HOXD4: variants seen among roughly 807,000 people sequenced by gnomAD.
HOXD4 encodes homeobox protein Hox-D4.
HOXD4 carries 15 observed loss-of-function variants against 22.6 expected under a neutral mutation model. The ratio of observed to expected loss-of-function variants is 0.67; its 90% confidence interval spans 0.45 to 1.02. The LOEUF (loss-of-function observed/expected upper bound fraction) is 1.02, where lower values mean the gene tolerates loss of function less well. Ranked by LOEUF, HOXD4 falls within the 50% of genes least tolerant of loss-of-function variation. The pLI is 0.00. For synonymous variants in HOXD4, 176 were observed against 157.0 expected, an observed-to-expected ratio of 1.12 and a Z score of -0.90; for missense variants, 350 against 346.6, an observed-to-expected ratio of 1.01 and a Z score of -0.08.
In HOXD4 at chr2:176,152,714, A is replaced by G. The variant is rs1411848294; in HGVS notation, c.540A>G (p.Thr180=). ...EKEFHFNRYL[T]RRRRIEIAHT... ...AATTTCATTTTAACAGGTATCTGAC[A>G]AGGCGCCGTCGGATTGAAATCGCTC... Residue 180 remains threonine (T), a synonymous_variant, in exon 2 of 2, where the codon ACA becomes ACG. Transcript: ENST00000306324. This position sits in a 1 kb window ranked among gnomAD's most constrained non-coding sequence, Gnocchi z 5.2. 6.2e-7 allele frequency: 1 copy of G among 1,614,092 alleles called. No individual in the cohort carries two copies. Among genetic ancestry groups the G allele is most frequent in the Non-Finnish European group, 8.5e-7 (1 of 1,180,026 alleles).
rs894183578 is a variant in HOXD4 at position 176,153,218 on chromosome 2, T to A, written c.*276T>A. ...AAATCTTGGCGAGTCATTAAACTTA[T>A]GAAAATCACCGCTCTTGGATTTTGA... On this transcript the variant is annotated 3_prime_UTR_variant, in exon 2 of 2. Transcript: ENST00000306324. 2 of 477,176 alleles carry A rather than the reference T, an allele frequency of 4.2e-6. No homozygotes were observed. Among genetic ancestry groups the A allele is most frequent in the South Asian group, 5.6e-5 (2 of 35,864 alleles). The allele number at this position is 477,176 out of a possible 1,614,324, so 29.6% of individuals were successfully genotyped here. A position where few individuals can be genotyped will look rare whatever the true frequency, so the allele number is the denominator to read the frequency against.
Position 176,152,457 on chromosome 2 carries a change from G to A in HOXD4, c.434-151G>A. The A allele has an allele frequency of 2.8e-6, 2 of 716,908 alleles. No individual in the cohort carries two copies. Among genetic ancestry groups the A allele is most frequent in the Non-Finnish European group, 5.0e-6 (2 of 400,338 alleles). 44.4% of individuals were successfully genotyped at this position (716,908 alleles called of 1,614,324 possible). ...GGGTGGGAGTGAGCGTGTGCGCCGGGGAGAGGGCGGGAGGGAGGAAGCAAG... is the reference window on the plus strand; with the variant it reads ...GGGTGGGAGTGAGCGTGTGCGCCGGAGAGAGGGCGGGAGGGAGGAAGCAAG... On this transcript the variant is annotated intron_variant, in intron 1 of 1. Transcript: ENST00000306324. This position sits in a 1 kb window ranked among gnomAD's most constrained non-coding sequence, Gnocchi z 5.2.
At position 176,151,550 on chromosome 2, in the gene HOXD4, A is replaced by C; in HGVS notation, c.-84A>C. The stretch of plus-strand genomic sequence containing the variant: ...GTCACATGGCTGCCCAACTTTATTC[A>C]GTTGACAGCAAGTAGGAGGGCCCTA... On this transcript the variant is annotated 5_prime_UTR_variant, in exon 1 of 2. Transcript: ENST00000306324. The C allele has an allele frequency of 8.1e-7, 1 of 1,241,144 alleles. No homozygotes were observed. Among genetic ancestry groups the C allele is most frequent in the South Asian group, 1.2e-5 (1 of 81,312 alleles). 76.9% of individuals were successfully genotyped at this position (1,241,144 alleles called of 1,614,324 possible).
Position 176,151,750 on chromosome 2 carries a change from C to A in HOXD4, c.117C>A (p.Gly39=). ...AGCAGGGCGCCGACTACTACGGCGG[C>A]GGCGCGCAGGGCGCAGACTTCCAGC... ...LGEQGADYYG[G]GAQGADFQPP... is the part of the protein sequence containing the mutation. The change falls in exon 1 of 2, where the codon GGC becomes GGA. Residue 39 remains glycine (G), a synonymous_variant. Coordinates refer to ENST00000306324, the MANE Select transcript of HOXD4 (RefSeq NM_014621.3). 6.2e-7 allele frequency: 1 copy of A among 1,612,992 alleles called. No homozygotes were observed. Among genetic ancestry groups the A allele is most frequent in the Non-Finnish European group, 8.5e-7 (1 of 1,179,902 alleles).
Position 176,152,179 on chromosome 2 carries a change from T to G in HOXD4, c.433+113T>G, listed in dbSNP as rs1690545906. On this transcript the variant is annotated intron_variant, in intron 1 of 1. Transcript: ENST00000306324. This position sits in a 1 kb window ranked among gnomAD's most constrained non-coding sequence, Gnocchi z 5.2. ...TGTGGAGCTTCCATGGGCGCCGCAA[T>G]TACTCTCCCCATAAATTTTTATAGC... is the stretch of plus-strand genomic sequence containing the variant. 1.2e-6 allele frequency: 1 copy of G among 862,830 alleles called. No homozygotes were observed. The highest frequency in any genetic ancestry group is 2.0e-5 in the Admixed American group (1 of 49,482). The allele number at this position is 862,830 out of a possible 1,614,324, so 53.4% of individuals were successfully genotyped here. A position where few individuals can be genotyped will look rare whatever the true frequency, so the allele number is the denominator to read the frequency against.
At position 176,152,240 on chromosome 2, in the gene HOXD4, C is replaced by A. The variant is rs1447417612; in HGVS notation, c.433+174C>A. 1.1e-5 allele frequency among the ~76,000 whole-genome samples: 1 copy of A among 88,608 alleles called. No homozygotes were observed. Among genetic ancestry groups the A allele is most frequent in the Non-Finnish European group, 2.1e-5 (1 of 47,632 alleles). 58.1% of individuals were successfully genotyped at this position (88,608 alleles called of 152,430 possible). On this transcript the variant is annotated intron_variant, in intron 1 of 1. Transcript: ENST00000306324. This position sits in a 1 kb window ranked among gnomAD's most constrained non-coding sequence, Gnocchi z 5.2. ...GGTCAGGACCATGTGGCTGGCTGCT[C>A]GGCTGTGGGCGCAAAAGGGGGTGGG...
rs760420142 is a variant in HOXD4, at chr2:176,152,018, C to A, written c.385C>A (p.Gln129Lys). ...KQPPSGTALK[Q>K]PAVVYPWMKK... ...GCCGCCCTCCGGGACGGCACTCAAGCAGCCGGCCGTGGTCTACCCCTGGAT... is the reference window on the plus strand; with the variant it reads ...GCCGCCCTCCGGGACGGCACTCAAGAAGCCGGCCGTGGTCTACCCCTGGAT... Residue 129 changes from glutamine (Q) to lysine (K), a missense_variant, in exon 1 of 2, where the codon CAG (glutamine) becomes AAG (lysine). Physicochemically the swap from Gln to Lys is moderately conservative, Grantham distance 53. Coordinates refer to ENST00000306324, the MANE Select transcript of HOXD4 (RefSeq NM_014621.3). The surrounding 1 kb of genome is among the most constrained non-coding windows in gnomAD (Gnocchi z 5.2). 6.2e-7 allele frequency: 1 copy of A among 1,613,590 alleles called. No individual in the cohort carries two copies. Among genetic ancestry groups the A allele is most frequent in the South Asian group, 1.1e-5 (1 of 91,074 alleles).
At position 176,151,892 on chromosome 2, in the gene HOXD4, G is replaced by C. The variant is rs754858130; in HGVS notation, c.259G>C (p.Gly87Arg). Residue 87 changes from glycine (G) to arginine (R), a missense_variant, in exon 1 of 2, where the codon GGT becomes CGT. Coordinates refer to ENST00000306324, the MANE Select transcript of HOXD4 (RefSeq NM_014621.3). ...CGGACAAGAGCCAGGCGGCCCCGGC[G>C]GTCACTACGCCGCTCCAGGAGAGCC... ...GHGQEPGGPG[G>R]HYAAPGEPCP... The C allele has an allele frequency of 1.8e-5, 29 of 1,587,728 alleles. No individual in the cohort carries two copies. The highest frequency in any genetic ancestry group is 2.4e-5 in the Non-Finnish European group (28 of 1,166,764).
Position 176,153,129 on chromosome 2 carries a change from GA to G in HOXD4, c.*188del. ...AGCCCCCTCCCTAGAGCGGGATGGG[GA>G]TGGGAGGGGGGGCGGGATTCTCTCT... On this transcript the variant is annotated 3_prime_UTR_variant, in exon 2 of 2. Coordinates refer to ENST00000306324, the MANE Select transcript of HOXD4 (RefSeq NM_014621.3). The G allele has an allele frequency of 2.9e-6, 1 of 350,776 alleles. No homozygotes were observed. The highest frequency in any genetic ancestry group is 5.6e-6 in the Non-Finnish European group (1 of 178,130). 21.7% of individuals were successfully genotyped at this position (350,776 alleles called of 1,614,324 possible).
rs1223099852 is a variant in HOXD4 at position 176,152,555 on chromosome 2, C to T, written c.434-53C>T. The T allele has an allele frequency of 1.4e-6, 2 of 1,455,980 alleles. No individual in the cohort carries two copies. The highest frequency in any genetic ancestry group is 1.7e-5 in the Admixed American group (1 of 59,630). The allele number at this position is 1,455,980 out of a possible 1,614,324, so 90.2% of individuals were successfully genotyped here. A position where few individuals can be genotyped will look rare whatever the true frequency, so the allele number is the denominator to read the frequency against. On this transcript the variant is annotated intron_variant, in intron 1 of 1. Coordinates refer to ENST00000306324, the MANE Select transcript of HOXD4 (RefSeq NM_014621.3). This position sits in a 1 kb window ranked among gnomAD's most constrained non-coding sequence, Gnocchi z 5.2. ...GGAAGTGAGCGGCGGAGGCGAGGGG[C>T]CTAACTAGTGGCCGGGCGCTGACCT...
rs540913179 is a variant in HOXD4, at chr2:176,153,137, G to C, written c.*195G>C. ...CCCTAGAGCGGGATGGGGATGGGAG[G>C]GGGGGCGGGATTCTCTCTCTAAGTA... On this transcript the variant is annotated 3_prime_UTR_variant, in exon 2 of 2. Coordinates refer to ENST00000306324, the MANE Select transcript of HOXD4 (RefSeq NM_014621.3). 399 of 516,836 alleles carry C rather than the reference G, an allele frequency of 7.7e-4. 13 individuals carry two copies. The highest frequency in any genetic ancestry group is 6.8e-3 in the African/African-American group (350 of 51,452). 32.0% of individuals were successfully genotyped at this position (516,836 alleles called of 1,614,324 possible).
Position 176,153,105 on chromosome 2 carries a change from G to C in HOXD4, c.*163G>C. On this transcript the variant is annotated 3_prime_UTR_variant, in exon 2 of 2. Transcript: ENST00000306324. ...TAGGTTAGCATCCTGCCCGAGGGCA[G>C]CCCCCTCCCTAGAGCGGGATGGGGA... The C allele has an allele frequency of 2.6e-6, 1 of 389,350 alleles. No individual in the cohort carries two copies. The highest frequency in any genetic ancestry group is 5.0e-6 in the Non-Finnish European group (1 of 200,456). 24.1% of individuals were successfully genotyped at this position (389,350 alleles called of 1,614,324 possible).
Position 176,152,568 on chromosome 2 carries a change from C to G in HOXD4, c.434-40C>G. 1 of 1,552,590 alleles carries G rather than the reference C, an allele frequency of 6.4e-7. No homozygotes were observed. Among genetic ancestry groups the G allele is most frequent in the Non-Finnish European group, 8.9e-7 (1 of 1,125,892 alleles). ...GGAGGCGAGGGGCCTAACTAGTGGC[C>G]GGGCGCTGACCTGCCTGTCCTGTCT... On this transcript the variant is annotated intron_variant, in intron 1 of 1. Coordinates refer to ENST00000306324, the MANE Select transcript of HOXD4 (RefSeq NM_014621.3). The surrounding 1 kb of genome is among the most constrained non-coding windows in gnomAD (Gnocchi z 5.2).
At position 176,153,189 on chromosome 2, in the gene HOXD4, C is replaced by A; in HGVS notation, c.*247C>A. On this transcript the variant is annotated 3_prime_UTR_variant, in exon 2 of 2. Transcript: ENST00000306324. The stretch of plus-strand genomic sequence containing the variant: ...ATTATATGGCAGGAGCTACTGAGAA[C>A]ATAAAATCTTGGCGAGTCATTAAAC... 1 of 540,280 alleles carries A rather than the reference C, an allele frequency of 1.9e-6. No individual in the cohort carries two copies. Among genetic ancestry groups the A allele is most frequent in the Non-Finnish European group, 3.3e-6 (1 of 303,400 alleles). 33.5% of individuals were successfully genotyped at this position (540,280 alleles called of 1,614,324 possible).
Position 176,153,055 on chromosome 2 carries a change from T to A in HOXD4, c.*113T>A. The A allele has an allele frequency of 1.1e-6, 1 of 903,504 alleles. No individual in the cohort carries two copies. Among genetic ancestry groups the A allele is most frequent in the Non-Finnish European group, 1.7e-6 (1 of 602,150 alleles). The allele number at this position is 903,504 out of a possible 1,614,324, so 56.0% of individuals were successfully genotyped here. A position where few individuals can be genotyped will look rare whatever the true frequency, so the allele number is the denominator to read the frequency against. On this transcript the variant is annotated 3_prime_UTR_variant, in exon 2 of 2. Coordinates refer to ENST00000306324, the MANE Select transcript of HOXD4 (RefSeq NM_014621.3). Reference sequence around the variant, plus strand: ...GCTCTAAGGTACTGTGGGGTGGACCTGGGACAAGCAGGCCGCCCTCGGACT... The same window carrying A: ...GCTCTAAGGTACTGTGGGGTGGACCAGGGACAAGCAGGCCGCCCTCGGACT...
Position 176,153,064 on chromosome 2 carries a change from C to A in HOXD4, c.*122C>A, listed in dbSNP as rs543936269. ...TACTGTGGGGTGGACCTGGGACAAG[C>A]AGGCCGCCCTCGGACTAGGTTAGCA... On this transcript the variant is annotated 3_prime_UTR_variant, in exon 2 of 2. Coordinates refer to ENST00000306324, the MANE Select transcript of HOXD4 (RefSeq NM_014621.3). 53 of 939,820 alleles carry A rather than the reference C, an allele frequency of 5.6e-5. No individual in the cohort carries two copies. The highest frequency in any genetic ancestry group is 8.0e-5 in the Non-Finnish European group (48 of 601,060). 58.2% of individuals were successfully genotyped at this position (939,820 alleles called of 1,614,324 possible).
In HOXD4 at chr2:176,151,950, C is replaced by T. The variant is rs1311430228; in HGVS notation, c.317C>T (p.Pro106Leu). The change falls in exon 1 of 2, where the codon CCC becomes CTC. Residue 106 changes from proline to leucine, a missense_variant. By Grantham distance (98) the Pro-to-Leu change is moderately conservative (BLOSUM62 -3). Coordinates refer to ENST00000306324, the MANE Select transcript of HOXD4 (RefSeq NM_014621.3). ...CPAPPAPPPA[P>L]LPGARAYSQS... ...GCTCCCCCGGCGCCTCCGCCGGCGC[C>T]CCTGCCTGGCGCCCGGGCCTACAGT... The T allele has an allele frequency of 1.2e-6, 2 of 1,610,672 alleles. No individual in the cohort carries two copies. The highest frequency in any genetic ancestry group is 1.7e-5 in the Admixed American group (1 of 59,788).
At position 176,151,740 on chromosome 2, in the gene HOXD4, A is replaced by G; in HGVS notation, c.107A>G (p.Tyr36Cys). 1.2e-6 allele frequency: 2 copies of G among 1,613,068 alleles called. No individual in the cohort carries two copies. Among genetic ancestry groups the G allele is most frequent in the African/African-American group, 1.3e-5 (1 of 75,054 alleles). ...GGYLGEQGAD[Y>C]YGGGAQGADF... Reference sequence around the variant, plus strand: ...TACCTAGGCGAGCAGGGCGCCGACTACTACGGCGGCGGCGCGCAGGGCGCA... The same window carrying G: ...TACCTAGGCGAGCAGGGCGCCGACTGCTACGGCGGCGGCGCGCAGGGCGCA... Residue 36 changes from tyrosine to cysteine, a missense_variant, in exon 1 of 2, where the codon TAC (tyrosine) becomes TGC (cysteine). By Grantham distance (194) the Tyr-to-Cys change is radical. Coordinates refer to ENST00000306324, the MANE Select transcript of HOXD4 (RefSeq NM_014621.3).
Position 176,152,697 on chromosome 2 carries a change from T to A in HOXD4, c.523T>A (p.Phe175Ile). 2.5e-6 allele frequency: 4 copies of A among 1,614,088 alleles called. No individual in the cohort carries two copies. Among genetic ancestry groups the A allele is most frequent in the Non-Finnish European group, 3.4e-6 (4 of 1,180,000 alleles). Residue 175 changes from phenylalanine to isoleucine, a missense_variant, in exon 2 of 2, where the codon TTT becomes ATT. Physicochemically the swap from Phe to Ile is conservative, Grantham distance 21. Transcript: ENST00000306324. This position sits in a 1 kb window ranked among gnomAD's most constrained non-coding sequence, Gnocchi z 5.2. ...CCTAGAACTGGAAAAAGAATTTCAT[T>A]TTAACAGGTATCTGACAAGGCGCCG... ...QVLELEKEFH[F>I]NRYLTRRRRI...
Sources: allele counts gnomAD v4.1 joint callset (sites outside exome capture counted in the v4.1 genomes callset), GRCh38; gene constraint gnomAD v4.1.1; non-coding constraint Gnocchi (gnomAD v3.1); transcripts MANE v1.5; gene names NCBI Gene and HGNC (gene_info 2026-07-23, HGNC 2026-07-21).